The following IL1RAPL1 variants were observed in gnomAD, a reference collection of about 807,000 sequenced individuals.
IL1RAPL1 encodes interleukin 1 receptor accessory protein like 1.
In IL1RAPL1, 3 loss-of-function variants were observed where a neutral mutation model predicts 48.4. That is an observed-to-expected ratio of 0.06 (90% CI 0.03 to 0.16). The LOEUF is 0.16. IL1RAPL1 is among the 10% of genes least tolerant of loss of function. The probability of loss-of-function intolerance (pLI) is 1.00; values close to 1 mark genes in which losing one functional copy is unlikely to be tolerated. For missense variants in IL1RAPL1, 349 were observed against 530.6 expected, an observed-to-expected ratio of 0.66 and a Z score of 3.36; for synonymous variants, 185 against 187.7, an observed-to-expected ratio of 0.99 and a Z score of 0.12.
chrX:29,736,133 T>G (rs751248585), intron 6 of IL1RAPL1, among the ~76,000 whole-genome samples: 2 of 112,420 alleles, frequency 1.8e-5, no homozygotes, highest in Non-Finnish European at 3.8e-5. Context: ...TTGTGCATCC[T>G]AAAGGTTATG....
chrX:29,346,721 G>T (rs766329411), intron 3 of IL1RAPL1, among the ~76,000 whole-genome samples: 42 of 112,177 alleles, frequency 3.7e-4, no homozygotes, highest in Non-Finnish European at 7.3e-4. Flanking sequence ...ATATCCTCTT[G>T]ATCCAGGGAG....
intron 1 of IL1RAPL1, among the ~76,000 whole-genome samples, chrX:28,757,350 C>T (rs755218772): frequency 8.9e-6 from 1 of 112,464 alleles, no homozygotes; most frequent in African/African-American, 3.2e-5. Context: ...TCTCACTGTG[C>T]CAAATGTTCT....
At chrX:29,513,450 G>A (rs1273938000) in intron 5 of IL1RAPL1, among the ~76,000 whole-genome samples, 1 of 111,567 alleles carries the variant, frequency 9.0e-6, no homozygotes, top group Admixed American at 9.5e-5. Flanking sequence ...CAATTGATGG[G>A]CATTTAAGTT....
intron 6 of IL1RAPL1, among the ~76,000 whole-genome samples, chrX:29,705,898 A>AT (rs1276406064): frequency 2.7e-5 from 3 of 112,600 alleles, no homozygotes; most frequent in African/African-American, 9.7e-5. Flanking sequence ...AGCACTTTGT[A>AT]TTAGTCCATT....
At chrX:28,643,782 T>C (rs1479683776) in intron 1 of IL1RAPL1, among the ~76,000 whole-genome samples, 1 of 112,238 alleles carries the variant, frequency 8.9e-6, no homozygotes, top group East Asian at 2.8e-4. Context: ...TTAATTTTTC[T>C]TTTACATCTG....
intron 5 of IL1RAPL1, among the ~76,000 whole-genome samples, chrX:29,453,405 A>G (rs923020383): frequency 9.0e-6 from 1 of 111,671 alleles, no homozygotes; most frequent in African/African-American, 3.3e-5. Context: ...TTAATGAGGA[A>G]AACGATTCCA....
rs756813220 is a variant in IL1RAPL1, at chrX:29,225,249, A to G, written c.83-57689A>G. ...TAATTGAAATAGGAATATTTTTATT[A>G]TTATGTCATTAAACTAGCTGGTGCT... On this transcript the variant is annotated intron_variant, in intron 2 of 10. Transcript: ENST00000378993. Among the ~76,000 whole-genome samples, 3 of 112,539 alleles carry G rather than the reference A, an allele frequency of 2.7e-5. No individual in the cohort carries two copies. The East Asian group carries it at 8.3e-4, about 31-fold the overall frequency.
chrX:28,908,854 G>A (rs993962933), intron 2 of IL1RAPL1, among the ~76,000 whole-genome samples: 1 of 111,147 alleles, frequency 9.0e-6, no homozygotes, highest in Admixed American at 9.6e-5. Flanking sequence ...CTTTTGCCTC[G>A]TGTATTTTGA....
intron 6 of IL1RAPL1, among the ~76,000 whole-genome samples, chrX:29,774,933 C>G (rs1429110461): frequency 8.9e-6 from 1 of 112,375 alleles, no homozygotes; most frequent in African/African-American, 3.2e-5. Flanking sequence ...TTGTACTACA[C>G]ATGAAGTACT....
chrX:28,659,760 TGAA>T (rs1039796967), intron 1 of IL1RAPL1, among the ~76,000 whole-genome samples: 1 of 109,263 alleles, frequency 9.2e-6, no homozygotes, highest in Non-Finnish European at 1.9e-5. Context: ...TAGAAAAAAA[TGAA>T]GAGATTAATC....
At position 29,319,520 on chromosome X, in the gene IL1RAPL1, A is replaced by ATG. The variant is rs1404763766; in HGVS notation, c.362+36305_362+36306dup. On this transcript the variant is annotated intron_variant, in intron 3 of 10. Transcript: ENST00000378993. ...TGCCTGGACACATGTGATATTTTGTATGTATGTATGTATGTATGTATGTAT... is the reference window on the plus strand; with the variant it reads ...TGCCTGGACACATGTGATATTTTGTATGTGTATGTATGTATGTATGTATGTAT... Among the ~76,000 whole-genome samples the ATG allele has an allele frequency of 6.1e-3, 482 of 79,632 alleles. 4 individuals are homozygous for ATG. Among genetic ancestry groups the ATG allele is most frequent in the African/African-American group, 0.028 (459 of 16,657 alleles). 69.2% of individuals were successfully genotyped at this position (79,632 alleles called of 115,157 possible). A position where few individuals can be genotyped will look rare whatever the true frequency, so the allele number is the denominator to read the frequency against.
intron 3 of IL1RAPL1, among the ~76,000 whole-genome samples, chrX:29,345,957 T>C (rs924790187): frequency 8.9e-5 from 10 of 112,301 alleles, no homozygotes; most frequent in Non-Finnish European, 1.9e-4. Context: ...ATATCTACTC[T>C]AAAATAGGAA....
At chrX:29,702,036 C>T (rs1205749097) in intron 6 of IL1RAPL1, among the ~76,000 whole-genome samples, 4 of 111,332 alleles carry the variant, frequency 3.6e-5, no homozygotes, top group Non-Finnish European at 7.5e-5. Context: ...AGGCGGATCA[C>T]CTGTGGTCAG....
At chrX:28,839,594 G>A (rs1921314988) in intron 2 of IL1RAPL1, among the ~76,000 whole-genome samples, 1 of 110,306 alleles carries the variant, frequency 9.1e-6, no homozygotes, top group South Asian at 3.8e-4. Context: ...TCAAGGCATT[G>A]AGCAAATGCA....
intron 2 of IL1RAPL1, among the ~76,000 whole-genome samples, chrX:29,201,118 A>G (rs1447341535): frequency 9.0e-6 from 1 of 111,599 alleles, no homozygotes; most frequent in Non-Finnish European, 1.9e-5. Flanking sequence ...AAATAGATAC[A>G]GTGTCTCTTT....
intron 6 of IL1RAPL1, among the ~76,000 whole-genome samples, chrX:29,888,462 G>C (rs1188901862): frequency 9.0e-6 from 1 of 110,511 alleles, no homozygotes; most frequent in Non-Finnish European, 1.9e-5. Context: ...GACCTCAGGT[G>C]ATTCTCCCGC....
At chrX:29,891,731 C>G (rs1932278390) in intron 6 of IL1RAPL1, among the ~76,000 whole-genome samples, 1 of 111,070 alleles carries the variant, frequency 9.0e-6, no homozygotes, top group Non-Finnish European at 1.9e-5. Context: ...AGAAATCTTC[C>G]TAGGTTATCT....
rs374128860 is a variant in IL1RAPL1, at chrX:29,514,671, A to G, written c.703+115363A>G. Among the ~76,000 whole-genome samples, 7 of 111,023 alleles carry G rather than the reference A, an allele frequency of 6.3e-5. No homozygotes were observed. The East Asian group carries it at 2.0e-3, about 32-fold the overall frequency. ...GCCATGTTGGCCAGGCTTGTCTTGA[A>G]CTCCTGACCTTGAGTGATCCGCCTG... On this transcript the variant is annotated intron_variant, in intron 5 of 10. Transcript: ENST00000378993.
At chrX:28,887,610 C>A (rs1922668862) in intron 2 of IL1RAPL1, among the ~76,000 whole-genome samples, 2 of 111,264 alleles carry the variant, frequency 1.8e-5, no homozygotes, top group Admixed American at 9.6e-5. Context: ...TTTGTTATTT[C>A]TTTTTTTAAA....
Sources: gnomAD v4.1 joint callset for allele counts (sites outside exome capture counted in the v4.1 genomes callset) on GRCh38, gnomAD v4.1.1 for gene constraint, MANE v1.5 for transcripts, NCBI Gene and HGNC (gene_info 2026-07-23, HGNC 2026-07-21) for gene names.